The following KCNK3 variants were observed in gnomAD, a reference collection of about 807,000 sequenced individuals.
KCNK3 encodes the protein potassium two pore domain channel subfamily K member 3.
KCNK3 carries 9 observed loss-of-function variants against 27.3 expected under a neutral mutation model. The ratio of observed to expected loss-of-function variants is 0.33; its 90% CI spans 0.20 to 0.57. The LOEUF is 0.57. Among genes scored for constraint, KCNK3 ranks in the 20% least tolerant of loss-of-function variants. The pLI is 0.87. For synonymous variants in KCNK3, 278 were observed against 273.8 expected, an observed-to-expected ratio of 1.02 and a Z score of -0.15; for missense variants, 391 against 577.7, an observed-to-expected ratio of 0.68 and a Z score of 3.31.
intron 1 of KCNK3, among the ~76,000 whole-genome samples, chr2:26,714,822 G>A (rs1454695747): frequency 6.6e-6 from 1 of 152,028 alleles, no homozygotes; most frequent in East Asian, 1.9e-4. Context: ...GGAGGCGGAG[G>A]TTGCAGTGAG....
intron 1 of KCNK3, among the ~76,000 whole-genome samples, chr2:26,711,296 T>C (rs1301439077): frequency 6.6e-6 from 1 of 152,220 alleles, no homozygotes; most frequent in Non-Finnish European, 1.5e-5. Context: ...GAAAACGCTC[T>C]GAAGTGTGCA....
Position 26,731,183 on chromosome 2 carries a change from A to G in KCNK3, c.*2615A>G, listed in dbSNP as rs967120295. On this transcript the variant is annotated 3_prime_UTR_variant, in exon 2 of 2. Transcript: ENST00000302909. ...CTGAGAATGGCGCCCAATAAATGCT[A>G]TCCACGGAGACCAGGCTCAGGCTCC... The G allele has an allele frequency of 1.3e-5, 2 of 152,106 alleles. No homozygotes were observed. Among genetic ancestry groups the G allele is most frequent in the Non-Finnish European group, 2.9e-5 (2 of 68,060 alleles). The allele number at this position is 152,106 out of a possible 1,614,324, so 9.4% of individuals were successfully genotyped here.
intron 1 of KCNK3, 143 bp from the exon 2 acceptor site, chr2:26,727,524 C>G: frequency 9.5e-7 from 1 of 1,050,550 alleles, no homozygotes; most frequent in Admixed American, 2.4e-5. Context: ...TAGCACAGTG[C>G]GTGGGGATAA....
rs1663359924 is a variant in KCNK3, at chr2:26,723,555, G to A, written c.284-4112G>A. ...GCCATGATTGAATGAAGAGGCCCTG[G>A]TCATACCTGAGCTGGAGGGCAGTGG... On this transcript the variant is annotated intron_variant, in intron 1 of 1. Transcript: ENST00000302909. Among the ~76,000 whole-genome samples the A allele has an allele frequency of 2.6e-5, 4 of 152,344 alleles. No individual in the cohort carries two copies. In the South Asian group the frequency reaches 8.3e-4, roughly 32 times the overall value.
intron 1 of KCNK3, among the ~76,000 whole-genome samples, chr2:26,704,805 T>C (rs1377528196): frequency 2.0e-5 from 3 of 152,236 alleles, no homozygotes; most frequent in Non-Finnish European, 2.9e-5. Flanking sequence ...ACACAGATCT[T>C]ACCCCCAACA....
At chr2:26,707,141 G>A (rs557973904) in intron 1 of KCNK3, among the ~76,000 whole-genome samples, 1 of 152,326 alleles carries the variant, frequency 6.6e-6, no homozygotes, top group South Asian at 2.1e-4. Context: ...TGGAAAGAGA[G>A]CATTCTTGAG....
chr2:26,704,836 G>C (rs886090499), intron 1 of KCNK3, among the ~76,000 whole-genome samples: 1 of 152,284 alleles, frequency 6.6e-6, no homozygotes, highest in East Asian at 1.9e-4. Flanking sequence ...GCTCCTCAGG[G>C]AGCCTGCCTC....
At chr2:26,704,428 C>T (rs536840243) in intron 1 of KCNK3, among the ~76,000 whole-genome samples, 4 of 152,292 alleles carry the variant, frequency 2.6e-5, no homozygotes, top group African/African-American at 4.8e-5. Context: ...ATTTCTGCTC[C>T]GGGCTCCGAG....
chr2:26,697,623 G>A (rs966787323), intron 1 of KCNK3, among the ~76,000 whole-genome samples: 9 of 152,082 alleles, frequency 5.9e-5, no homozygotes, highest in African/African-American at 2.2e-4. Flanking sequence ...TGTCACAGCT[G>A]TGCCCAGCAC....
chr2:26,727,655 A>G lies in KCNK3; in HGVS notation c.284-12A>G. On this transcript the variant is annotated splice_polypyrimidine_tract_variant and intron_variant, in intron 1 of 1. Transcript: ENST00000302909. ...ATGTGTGCTTTTTCTCCTCTTTCCCACTTTCCCCCAGGCTACGGGCACGCG... is the reference window on the plus strand; with the variant it reads ...ATGTGTGCTTTTTCTCCTCTTTCCCGCTTTCCCCCAGGCTACGGGCACGCG... 6.6e-7 allele frequency: 1 copy of G among 1,510,918 alleles called. No homozygotes were observed. The allele number at this position is 1,510,918 out of a possible 1,614,324, so 93.6% of individuals were successfully genotyped here.
At chr2:26,711,160 A>G (rs1663103845) in intron 1 of KCNK3, among the ~76,000 whole-genome samples, 1 of 152,204 alleles carries the variant, frequency 6.6e-6, no homozygotes, top group Non-Finnish European at 1.5e-5. Context: ...CTGGGAAATT[A>G]CCACGTCTCT....
At chr2:26,698,004 G>A (rs1670256551) in intron 1 of KCNK3, among the ~76,000 whole-genome samples, 2 of 152,176 alleles carry the variant, frequency 1.3e-5, no homozygotes, top group South Asian at 2.1e-4. Flanking sequence ...CACCCAGAGA[G>A]GTGAGCGGCT....
At chr2:26,694,838 C>A (rs939686874) in intron 1 of KCNK3, among the ~76,000 whole-genome samples, 3 of 152,142 alleles carry the variant, frequency 2.0e-5, no homozygotes, top group African/African-American at 7.2e-5. Context: ...TCCCTCTTTT[C>A]CACACGTCAA....
At chr2:26,701,979 C>T (rs1266741793) in intron 1 of KCNK3, among the ~76,000 whole-genome samples, 1 of 152,164 alleles carries the variant, frequency 6.6e-6, no homozygotes, top group Non-Finnish European at 1.5e-5. Flanking sequence ...ATTTTAAGTT[C>T]AGGGATACAC....
At chr2:26,711,673 T>C (rs947504240) in intron 1 of KCNK3, among the ~76,000 whole-genome samples, 4 of 152,232 alleles carry the variant, frequency 2.6e-5, no homozygotes, top group African/African-American at 7.2e-5. Context: ...TATATACCAA[T>C]AGGGTCGTTT....
At chr2:26,696,024 G>T (rs542229451) in intron 1 of KCNK3, among the ~76,000 whole-genome samples, 1 of 152,198 alleles carries the variant, frequency 6.6e-6, no homozygotes, top group Non-Finnish European at 1.5e-5. Flanking sequence ...TGGTAGAAAG[G>T]GGCCTTAGTT....
chr2:26,720,753 T>A (rs1449327800), intron 1 of KCNK3, among the ~76,000 whole-genome samples: 1 of 151,604 alleles, frequency 6.6e-6, no homozygotes, highest in African/African-American at 2.4e-5. Context: ...GATGGGACAA[T>A]GGGAAGAGAG....
At position 26,721,564 on chromosome 2, in the gene KCNK3, G is replaced by A. The variant is rs1663329001; in HGVS notation, c.284-6103G>A. 6.6e-6 allele frequency among the ~76,000 whole-genome samples: 1 copy of A among 152,200 alleles called. No individual in the cohort carries two copies. Among genetic ancestry groups the A allele is most frequent in the African/African-American group, 2.4e-5 (1 of 41,446 alleles). ...CTCCATGTCTGTGCCTCAGGCGCCT[G>A]AGCTGGTTCCTCGTGGGCCCTCCCC... is the stretch of plus-strand genomic sequence containing the variant. On this transcript the variant is annotated intron_variant, in intron 1 of 1. Transcript: ENST00000302909. The surrounding 1 kb of genome is among the most constrained non-coding windows in gnomAD (Gnocchi z 4.3).
rs753870067 is a variant in KCNK3, at chr2:26,713,508, G to T, written c.284-14159G>T. ...AGAAACATGTATGTGGGCCGGACAC[G>T]GTGGCTCATGCCTGTAATCCCAGCA... On this transcript the variant is annotated intron_variant, in intron 1 of 1. Transcript: ENST00000302909. Among the ~76,000 whole-genome samples, 5 of 152,180 alleles carry T rather than the reference G, an allele frequency of 3.3e-5. No homozygotes were observed. In the East Asian group the frequency reaches 9.7e-4, roughly 29 times the overall value.
Sources: gnomAD v4.1 joint callset for allele counts (sites outside exome capture counted in the v4.1 genomes callset) on GRCh38, gnomAD v4.1.1 for gene constraint, Gnocchi (gnomAD v3.1) non-coding constraint, MANE v1.5 for transcripts, NCBI Gene and HGNC (gene_info 2026-07-23, HGNC 2026-07-21) for gene names.